Variants in ST18 observed in about 807,000 individuals in gnomAD.
The protein encoded by ST18 is suppression of tumorigenicity 18 protein.
ST18 carries 50 observed loss-of-function variants against 110.0 expected under a neutral mutation model. The observed-to-expected ratio is 0.45, with a 90% CI of 0.36 to 0.58. ST18 has a LOEUF of 0.58. ST18 is among the 20% of genes least tolerant of loss of function. The pLI is 0.00. For missense variants in ST18, 1,306 were observed against 1,280.1 expected, an observed-to-expected ratio of 1.02 and a Z score of -0.31; for synonymous variants, 461 against 452.4, an observed-to-expected ratio of 1.02 and a Z score of -0.24.
chr8:52,382,447 A>C (rs1239910131), intron 2 of ST18, among the ~76,000 whole-genome samples: 2 of 152,254 alleles, frequency 1.3e-5, no homozygotes, highest in African/African-American at 4.8e-5. Context: ...TCAGACATGA[A>C]GCATGAAGCT....
At chr8:52,140,517 C>A (rs892718153) in intron 17 of ST18, among the ~76,000 whole-genome samples, 9 of 150,618 alleles carry the variant, frequency 6.0e-5, no homozygotes, top group Non-Finnish European at 1.2e-4. Context: ...GAGCGGGACC[C>A]CATCTCAAAA....
Position 52,166,940 on chromosome 8 carries a change from T to A in ST18, c.1116A>T (p.Gly372=), listed in dbSNP as rs2063213205. 1 of 1,612,318 alleles carries A rather than the reference T, an allele frequency of 6.2e-7. No homozygotes were observed. The highest frequency in any genetic ancestry group is 8.5e-7 in the Non-Finnish European group (1 of 1,178,630). ...CTGTCACGTGTCCCGTGCCATCACA[T>A]CCAGGGATCGGGCACTTGGTCTCCC... The part of the protein sequence containing the change: ...EKRETKCPIP[G]CDGTGHVTGL... The change falls in exon 11 of 26, where the codon GGA becomes GGT. Residue 372 remains glycine, a synonymous_variant. Transcript: ENST00000689386.
chr8:52,355,140 C>T (rs1822116820), intron 2 of ST18, among the ~76,000 whole-genome samples: 1 of 152,190 alleles, frequency 6.6e-6, no homozygotes, highest in South Asian at 2.1e-4. Context: ...AACATCCCAG[C>T]CCACTCCTAG....
At chr8:52,214,685 GA>G (rs924726073) in intron 6 of ST18, among the ~76,000 whole-genome samples, 1 of 151,908 alleles carries the variant, frequency 6.6e-6, no homozygotes, top group Admixed American at 6.6e-5. Flanking sequence ...TCTAAGCTTG[GA>G]AAAAAATGAT....
intron 19 of ST18, among the ~76,000 whole-genome samples, chr8:52,135,846 G>C (rs369007314): frequency 1.1e-4 from 16 of 152,082 alleles, no homozygotes; most frequent in African/African-American, 3.4e-4. Context: ...TGATGCTGCT[G>C]TCTACGCATA....
At chr8:52,409,869 GCGAA>G (rs1398870959), upstream of ST18, 1 of 152,286 alleles carries the variant, frequency 6.6e-6, no homozygotes, top group Non-Finnish European at 1.5e-5. Context: ...CTGAGAGTGA[GCGAA>G]CAAGCGGGCT....
chr8:52,113,424 T>C, intron 25 of ST18, 86 bp from the exon 26 acceptor site: 2 of 1,539,494 alleles, frequency 1.3e-6, no homozygotes, highest in East Asian at 2.3e-5. Flanking sequence ...AGATCAGTGA[T>C]CCGGGAGTCG....
chr8:52,406,070 T>C (rs575085023), intron 2 of ST18: 3 of 152,168 alleles, frequency 2.0e-5, no homozygotes, highest in Non-Finnish European at 4.4e-5. Context: ...TTTGCCATCA[T>C]TTTAGTCACT....
At chr8:52,171,667 A>G in intron 10 of ST18, 125 bp downstream of exon 10, 2 of 955,754 alleles carry the variant, frequency 2.1e-6, no homozygotes, top group Non-Finnish European at 3.2e-6. Context: ...TTTTATAATT[A>G]TAAATTGATT....
intron 19 of ST18, among the ~76,000 whole-genome samples, chr8:52,135,712 A>G (rs565005854): frequency 6.6e-6 from 1 of 152,128 alleles, no homozygotes; most frequent in South Asian, 2.1e-4. Context: ...ATCTTCTTTC[A>G]TAAACTTAGT....
intron 8 of ST18, among the ~76,000 whole-genome samples, chr8:52,189,028 T>C (rs1361704778): frequency 1.3e-5 from 2 of 152,078 alleles, no homozygotes; most frequent in Admixed American, 6.5e-5. Context: ...CTAAGAAATA[T>C]AAAATCCTAA....
chr8:52,139,454 C>T (rs2053944635), intron 17 of ST18, among the ~76,000 whole-genome samples: 1 of 152,078 alleles, frequency 6.6e-6, no homozygotes, highest in Non-Finnish European at 1.5e-5. Flanking sequence ...CTCCTGGGCT[C>T]AAGCGATTCT....
Position 52,205,779 on chromosome 8 carries a change from G to C in ST18, c.86+6300C>G, listed in dbSNP as rs527628235. 3.9e-5 allele frequency among the ~76,000 whole-genome samples: 6 copies of C among 152,166 alleles called. No individual in the cohort carries two copies. In the South Asian group the frequency reaches 1.2e-3, roughly 32 times the overall value. On this transcript the variant is annotated intron_variant, in intron 8 of 25. Coordinates refer to ENST00000689386, the MANE Select transcript of ST18 (RefSeq NM_001352837.2). ...GAAAGGGTTTCACCATGTTGGCCAA[G>C]CTGGTCTCAAACTCCTAACCTCAAG...
At chr8:52,183,267 G>A (rs2070618489) in intron 8 of ST18, among the ~76,000 whole-genome samples, 1 of 152,174 alleles carries the variant, frequency 6.6e-6, no homozygotes, top group African/African-American at 2.4e-5. Context: ...CAGTCATTCA[G>A]CCTGAAGAAG....
intron 2 of ST18, chr8:52,301,971 A>T (rs2139548297): frequency 6.6e-6 from 1 of 152,322 alleles, no homozygotes; most frequent in African/African-American, 2.4e-5. Flanking sequence ...TCCACAGAGT[A>T]CAGGAAGACT....
rs889654531 is a variant in ST18, at chr8:52,124,464, G to A, written c.2755+1588C>T. 5.9e-5 allele frequency among the ~76,000 whole-genome samples: 9 copies of A among 152,216 alleles called. No homozygotes were observed. In the South Asian group the frequency reaches 1.9e-3, roughly 32 times the overall value. On this transcript the variant is annotated intron_variant, in intron 23 of 25. Coordinates refer to ENST00000689386, the MANE Select transcript of ST18 (RefSeq NM_001352837.2). The stretch of plus-strand genomic sequence containing the variant: ...GCTGGGATTACAGATGTGAGCCACT[G>A]TTTCTGGCTGAATTAAATTTTTAAC...
At chr8:52,233,636 C>A (rs1027148037) in intron 2 of ST18, among the ~76,000 whole-genome samples, 1 of 152,090 alleles carries the variant, frequency 6.6e-6, no homozygotes, top group Non-Finnish European at 1.5e-5. Context: ...TTGTCTCCCA[C>A]GACCAATGAG....
chr8:52,238,255 G>A (rs1589107103), intron 2 of ST18, among the ~76,000 whole-genome samples: 1 of 152,010 alleles, frequency 6.6e-6, no homozygotes, highest in Non-Finnish European at 1.5e-5. Flanking sequence ...TTGAGAAATT[G>A]TACACAAATA....
At chr8:52,387,691 C>G (rs1035275270) in intron 2 of ST18, among the ~76,000 whole-genome samples, 1 of 152,032 alleles carries the variant, frequency 6.6e-6, no homozygotes, top group Admixed American at 6.6e-5. Context: ...AAAAAGTGTA[C>G]GTTCATAACA....
Sources: gnomAD v4.1 joint callset for allele counts (sites outside exome capture counted in the v4.1 genomes callset) on GRCh38, gnomAD v4.1.1 for gene constraint, MANE v1.5 for transcripts, NCBI Gene and HGNC (gene_info 2026-07-23, HGNC 2026-07-21) for gene names.